The following RBMX variants were observed in gnomAD, a reference collection of about 807,000 sequenced individuals.
RBMX encodes the protein RNA binding motif protein X-linked.
Under a neutral mutation model 29.3 loss-of-function variants are expected in RBMX, and 1 was observed. That is an observed-to-expected ratio of 0.03 (90% confidence interval 0.01 to 0.16). The LOEUF is 0.16. RBMX is among the 10% of genes least tolerant of loss of function. The pLI, the probability that RBMX is intolerant of heterozygous loss-of-function variation, is 1.00. For missense variants in RBMX, 121 were observed against 333.2 expected (o/e 0.36, Z 4.96); for synonymous variants, 102 against 102.3 (o/e 1.00, Z 0.02).
intron 4 of RBMX, among the ~76,000 whole-genome samples, chrX:136,877,674 T>C (rs1436155169): frequency 9.0e-6 from 1 of 111,424 alleles, no homozygotes; most frequent in Admixed American, 9.6e-5. Flanking sequence ...CTATCAATTT[T>C]TAAATGCCTT....
rs1239701425 is a variant in RBMX at position 136,875,491 on chromosome X, A to C, written c.636T>G (p.Asp212Glu). The C allele has an allele frequency of 2.5e-6, 3 of 1,209,996 alleles. No individual in the cohort carries two copies. The highest frequency in any genetic ancestry group is 3.4e-6 in the Non-Finnish European group (3 of 895,345). Residue 212 changes from aspartate (D) to glutamate (E), a missense_variant, in exon 6 of 9, where the codon GAT (aspartate) becomes GAG (glutamate). Physicochemically the swap from Asp to Glu is conservative, Grantham distance 45. This residue lies in a region of RBMX where 114 missense variants were observed against 260.0 expected (regional missense o/e 0.44). Transcript: ENST00000320676. Reference sequence around the variant, plus strand: ...ATTACCTGTCTTTAGTAGAATACCCATCATCTCTTGGGGACAAATAAACAT... The same window carrying C: ...ATTACCTGTCTTTAGTAGAATACCCCTCATCTCTTGGGGACAAATAAACAT... The part of the protein sequence containing the change: ...RRDVYLSPRD[D>E]GYSTKDSYSS...
chrX:136,876,397 C>T (rs960761543), intron 5 of RBMX, 106 bp downstream of exon 5: 16 of 918,707 alleles, frequency 1.7e-5, no homozygotes, highest in East Asian at 3.4e-5. Flanking sequence ...GCTAGGATTA[C>T]GGGCGTGAGC....
intron 2 of RBMX, 63 bp from the exon 3 acceptor site, chrX:136,879,186 A>G: frequency 8.3e-7 from 1 of 1,207,376 alleles, no homozygotes; most frequent in South Asian, 1.8e-5. Flanking sequence ...ACCAAAGTAA[A>G]TGTGTAAACA....
chrX:136,880,203 G>A (rs908803780), intron 1 of RBMX, among the ~76,000 whole-genome samples: 2 of 111,220 alleles, frequency 1.8e-5, no homozygotes, highest in African/African-American at 6.5e-5. Context: ...CACCAACATT[G>A]GCTGGGAACA....
chrX:136,876,857 G>A (rs750560128), intron 4 of RBMX, among the ~76,000 whole-genome samples: 4 of 104,958 alleles, frequency 3.8e-5, no homozygotes, highest in African/African-American at 1.0e-4. Flanking sequence ...ACAGGTGTGC[G>A]CCACCACACC....
downstream of RBMX, chrX:136,869,491 T>C (rs1466010434): frequency 9.0e-6 from 1 of 111,614 alleles, no homozygotes; most frequent in Non-Finnish European, 1.9e-5. Context: ...ATCTTAAATA[T>C]TTAGGGTATC....
chrX:136,876,954 C>T (rs377745689), intron 4 of RBMX, among the ~76,000 whole-genome samples: 16 of 106,818 alleles, frequency 1.5e-4, no homozygotes, highest in African/African-American at 4.8e-4. Context: ...CCTTGTGATC[C>T]GCCTGCCTCA....
downstream of RBMX, chrX:136,869,698 A>G (rs919392032): frequency 1.8e-5 from 2 of 109,149 alleles, no homozygotes; most frequent in Non-Finnish European, 3.8e-5. Context: ...TCCAAATAAG[A>G]CAGTGCCATA....
Position 136,876,693 on chromosome X carries a change from C to A in RBMX, c.389-38G>T, listed in dbSNP as rs771658948. ...TAGAAAAGAAAAATATTACTACTCA[C>A]AAGAATCAAGAAAGATATAAAAGTT... is the stretch of plus-strand genomic sequence containing the variant. On this transcript the variant is annotated intron_variant, in intron 4 of 8. Transcript: ENST00000320676. 9.5e-6 allele frequency: 10 copies of A among 1,048,565 alleles called. No homozygotes were observed. In the Admixed American group the frequency reaches 3.2e-4, roughly 34 times the overall value. 86.4% of individuals were successfully genotyped at this position (1,048,565 alleles called of 1,213,427 possible). A position where few individuals can be genotyped will look rare whatever the true frequency, so the allele number is the denominator to read the frequency against.
chrX:136,878,962 CAT>C, intron 3 of RBMX, 53 bp downstream of exon 3: 1 of 1,193,395 alleles, frequency 8.4e-7, no homozygotes, highest in Non-Finnish European at 1.1e-6. Context: ...TGGACAACTA[CAT>C]GTTATTTTAT....
At chrX:136,878,213 A>G (rs779550250) in intron 3 of RBMX, 127 bp from the exon 4 acceptor site, 230 of 560,122 alleles carry the variant, frequency 4.1e-4, no homozygotes, top group Non-Finnish European at 6.0e-4. Flanking sequence ...TAGTCTAAGA[A>G]AAAACACTGC....
chrX:136,872,451 T>C, downstream of RBMX: 1 of 663,530 alleles, frequency 1.5e-6, no homozygotes, highest in Non-Finnish European at 2.4e-6. Flanking sequence ...AAGTTCAGAC[T>C]TGCAGCTTAA....
At chrX:136,871,459 A>G (rs1249204041), downstream of RBMX, among the ~76,000 whole-genome samples, 1 of 108,028 alleles carries the variant, frequency 9.3e-6, no homozygotes, top group Admixed American at 1.0e-4. Context: ...AAAAAAAAAA[A>G]AGGTAATATT....
At chrX:136,872,870 T>G (rs2077693061), downstream of RBMX, 2 of 111,340 alleles carry the variant, frequency 1.8e-5, no homozygotes, top group Non-Finnish European at 3.7e-5. Context: ...ACCCCAAACT[T>G]AAGCCATTTC....
At chrX:136,872,142 A>G (rs1306118151), downstream of RBMX, 2 of 511,781 alleles carry the variant, frequency 3.9e-6, no homozygotes, top group African/African-American at 2.4e-5. Flanking sequence ...TAACTTCATC[A>G]ATTCCAAGCA....
downstream of RBMX, chrX:136,872,494 G>A (rs1015448972): frequency 7.8e-6 from 4 of 510,443 alleles, no homozygotes; most frequent in Non-Finnish European, 1.3e-5. Context: ...GTCTTAAGTG[G>A]TGGAAGATTC....
At chrX:136,876,130 T>TG (rs1252787362) in intron 5 of RBMX, among the ~76,000 whole-genome samples, 3 of 101,154 alleles carry the variant, frequency 3.0e-5, no homozygotes, top group African/African-American at 1.1e-4. Flanking sequence ...TTTTTGTTTT[T>TG]TTTTTTTTTT....
Position 136,879,306 on chromosome X carries a change from C to T in RBMX, c.109+13G>A. 8.4e-7 allele frequency: 1 copy of T among 1,186,951 alleles called. No homozygotes were observed. The highest frequency in any genetic ancestry group is 1.1e-6 in the Non-Finnish European group (1 of 873,411). ...AATTATAATAGCCCAGCCTGTACTG[C>T]CAGACAACTCACCTTCCACTATTCG... On this transcript the variant is annotated intron_variant, in intron 2 of 8. Transcript: ENST00000320676.
Position 136,880,695 on chromosome X carries a change from C to T in RBMX, c.-125G>A, listed in dbSNP as rs113867260. On this transcript the variant is annotated 5_prime_UTR_variant, in exon 1 of 9. Coordinates refer to ENST00000320676, the MANE Select transcript of RBMX (RefSeq NM_002139.4). ...CGGCTGCCGGGTGCGAGGACCGAAC[C>T]GCGAAGCCGCTAGCACTACTGCGCA... 18 of 75,179 alleles carry T rather than the reference C, an allele frequency of 2.4e-4. No homozygotes were observed. Among genetic ancestry groups the T allele is most frequent in the African/African-American group, 8.8e-4 (16 of 18,083 alleles). 6.2% of individuals were successfully genotyped at this position (75,179 alleles called of 1,213,427 possible).
Sources: allele counts gnomAD v4.1 joint callset (sites outside exome capture counted in the v4.1 genomes callset), GRCh38; gene constraint gnomAD v4.1.1; regional missense constraint gnomAD v4.1.1; transcripts MANE v1.5; gene names NCBI Gene and HGNC (gene_info 2026-07-23, HGNC 2026-07-21).